Variants in PLSCR1 observed in about 807,000 individuals in gnomAD.
PLSCR1 encodes the protein phospholipid scramblase 1.
A neutral mutation model predicts 37.8 loss-of-function variants in PLSCR1; 17 were observed. The ratio of observed to expected loss-of-function variants is 0.45; its 90% CI spans 0.31 to 0.68. PLSCR1 has a LOEUF of 0.68. Among genes scored for constraint, PLSCR1 ranks in the 30% least tolerant of loss-of-function variants. The probability of loss-of-function intolerance (pLI) is 0.06; values close to 1 mark genes in which losing one functional copy is unlikely to be tolerated. For synonymous variants in PLSCR1, 116 were observed against 125.9 expected, an observed-to-expected ratio of 0.92 and a Z score of 0.53; for missense variants, 347 against 380.9, an observed-to-expected ratio of 0.91 and a Z score of 0.74.
chr3:146,525,699 A>T, intron 4 of PLSCR1, 52 bp from the exon 5 acceptor site: 2 of 809,390 alleles, frequency 2.5e-6, no homozygotes, highest in Non-Finnish European at 4.1e-6. Flanking sequence ...GAAGGTTTTT[A>T]TAAGCTAACC....
Position 146,538,495 on chromosome 3 carries a change from T to G in PLSCR1, c.-13-1930A>C, listed in dbSNP as rs2120382. On this transcript the variant is annotated intron_variant, in intron 1 of 8. Transcript: ENST00000342435. ...CACACTGGACTATACATCTCTAAAG[T>G]CTTTACCTGCCCCTTGCTTCTTATA... Among the ~76,000 whole-genome samples the G allele has an allele frequency of 8.8e-3, 1,335 of 152,270 alleles. 19 individuals carry two copies. Among genetic ancestry groups the G allele is most frequent in the African/African-American group, 0.03 (1,243 of 41,544 alleles).
At chr3:146,534,797 A>T (rs1244375190) in intron 2 of PLSCR1, among the ~76,000 whole-genome samples, 7 of 151,826 alleles carry the variant, frequency 4.6e-5, no homozygotes, top group Admixed American at 3.9e-4. Context: ...AATCACTTAA[A>T]CCCGGGAGGC....
At chr3:146,516,819 G>C (rs1261302958) in intron 8 of PLSCR1, 187 bp downstream of exon 8, 1 of 491,780 alleles carries the variant, frequency 2.0e-6, no homozygotes, top group Non-Finnish European at 3.5e-6. Context: ...TCTTCAGGTA[G>C]AAACTAGTCA....
chr3:146,528,974 T>C, intron 3 of PLSCR1, 143 bp from the exon 4 acceptor site: 1 of 641,256 alleles, frequency 1.6e-6, no homozygotes, highest in Non-Finnish European at 2.7e-6. Flanking sequence ...TTTCTCTTTC[T>C]GAGATTTTTC....
chr3:146,522,572 T>C (rs2044040673), intron 5 of PLSCR1, among the ~76,000 whole-genome samples: 2 of 152,220 alleles, frequency 1.3e-5, no homozygotes. Context: ...CACAGGGACC[T>C]CTGCCTAGGA....
At chr3:146,526,334 G>A (rs563571025) in intron 4 of PLSCR1, among the ~76,000 whole-genome samples, 1 of 151,226 alleles carries the variant, frequency 6.6e-6, no homozygotes, top group African/African-American at 2.4e-5. Context: ...GTACAGTTAA[G>A]AATTTTTATC....
intron 5 of PLSCR1, among the ~76,000 whole-genome samples, chr3:146,522,552 T>G (rs1214504686): frequency 1.3e-5 from 2 of 152,190 alleles, no homozygotes; most frequent in Non-Finnish European, 2.9e-5. Flanking sequence ...CACAAAACAC[T>G]GTGGAAGGCC....
At chr3:146,532,675 C>T (rs60700219) in intron 3 of PLSCR1, among the ~76,000 whole-genome samples, 8,163 of 152,252 alleles carry the variant, frequency 0.054, 733 homozygotes, top group African/African-American at 0.19. Flanking sequence ...ATCCAAACCA[C>T]ATTCCCTTTG....
At chr3:146,542,244 C>G (rs1483630614) in intron 1 of PLSCR1, among the ~76,000 whole-genome samples, 1 of 152,132 alleles carries the variant, frequency 6.6e-6, no homozygotes, top group Non-Finnish European at 1.5e-5. Context: ...CAGCCCAGGA[C>G]TTCTACCTGT....
intron 5 of PLSCR1, among the ~76,000 whole-genome samples, chr3:146,525,005 G>A (rs1433812949): frequency 1.3e-5 from 2 of 152,120 alleles, no homozygotes; most frequent in African/African-American, 4.8e-5. Context: ...TGGCTTCCTA[G>A]GTTTATTTTT....
intron 7 of PLSCR1, among the ~76,000 whole-genome samples, chr3:146,517,641 G>C (rs2043965170): frequency 6.6e-6 from 1 of 152,128 alleles, no homozygotes; most frequent in Non-Finnish European, 1.5e-5. Context: ...GAAATGCTAA[G>C]CACCTAGAAA....
chr3:146,539,037 A>C (rs924421170), intron 1 of PLSCR1, among the ~76,000 whole-genome samples: 24 of 152,332 alleles, frequency 1.6e-4, no homozygotes, highest in African/African-American at 5.3e-4. Context: ...CAAGCGCATT[A>C]CATTTATTGT....
chr3:146,519,619 A>T (rs1022973299), intron 7 of PLSCR1, among the ~76,000 whole-genome samples: 2 of 152,088 alleles, frequency 1.3e-5, no homozygotes, highest in South Asian at 2.1e-4. Context: ...CTTTTCCTAT[A>T]CATAACTAAA....
At chr3:146,533,397 T>A in intron 3 of PLSCR1, 73 bp downstream of exon 3, 1 of 729,502 alleles carries the variant, frequency 1.4e-6, no homozygotes, top group Non-Finnish European at 2.4e-6. Flanking sequence ...TCTTACTCTC[T>A]CTCTCCCACT....
intron 7 of PLSCR1, chr3:146,520,059 T>C (rs1262607442): frequency 3.9e-5 from 6 of 152,118 alleles, no homozygotes; most frequent in Non-Finnish European, 8.8e-5. Flanking sequence ...TGTTCCTTAG[T>C]GGTCCCTCAT....
intron 1 of PLSCR1, among the ~76,000 whole-genome samples, chr3:146,539,132 T>C (rs1182199801): frequency 6.6e-6 from 1 of 152,214 alleles, no homozygotes; most frequent in African/African-American, 2.4e-5. Context: ...GTGGGAGCCC[T>C]GAGCTTGTTT....
chr3:146,517,348 C>A, intron 7 of PLSCR1, 181 bp from the exon 8 acceptor site: 1 of 329,868 alleles, frequency 3.0e-6, no homozygotes. Context: ...TTTCATTGTA[C>A]GGAGAAATTA....
chr3:146,535,406 A>G (rs1412060991), intron 2 of PLSCR1, among the ~76,000 whole-genome samples: 1 of 152,124 alleles, frequency 6.6e-6, no homozygotes. Flanking sequence ...TTCAAGCAGA[A>G]CAAAGAGCAT....
At chr3:146,527,558 T>C (rs1390005116) in intron 4 of PLSCR1, among the ~76,000 whole-genome samples, 1 of 151,640 alleles carries the variant, frequency 6.6e-6, no homozygotes, top group African/African-American at 2.4e-5. Context: ...ATCAAAGAGA[T>C]TTTTTTTTAC....
Sources: gnomAD v4.1 joint callset for allele counts (sites outside exome capture counted in the v4.1 genomes callset) on GRCh38, gnomAD v4.1.1 for gene constraint, MANE v1.5 for transcripts, NCBI Gene and HGNC (gene_info 2026-07-23, HGNC 2026-07-21) for gene names.